The following KHDRBS2 variants were observed in gnomAD, a reference collection of about 807,000 sequenced individuals.
KHDRBS2 encodes the protein KH RNA binding domain containing, signal transduction associated 2.
A neutral mutation model predicts 44.3 loss-of-function variants in KHDRBS2; 26 were observed. That is an observed-to-expected ratio of 0.59 (90% confidence interval 0.43 to 0.81). The LOEUF (loss-of-function observed/expected upper bound fraction) is 0.81. Ranked by LOEUF, KHDRBS2 falls within the 40% of genes least tolerant of loss-of-function variation. KHDRBS2 has a pLI of 0.00. For missense variants in KHDRBS2, 476 were observed against 433.1 expected (o/e 1.10, Z -0.88); for synonymous variants, 194 against 151.1 (o/e 1.28, Z -2.08).
chr6:62,116,893 CT>C (rs1484167574), intron 2 of KHDRBS2, among the ~76,000 whole-genome samples: 1 of 152,092 alleles, frequency 6.6e-6, no homozygotes, highest in African/African-American at 2.4e-5. Context: ...GCTTTTTTCA[CT>C]TAATATAATG....
At chr6:62,233,851 G>A (rs567635642) in intron 1 of KHDRBS2, among the ~76,000 whole-genome samples, 2 of 152,216 alleles carry the variant, frequency 1.3e-5, no homozygotes, top group African/African-American at 4.8e-5. Context: ...ATTCCACAGT[G>A]TATATGTACC....
At chr6:61,853,126 A>G (rs1795691359) in intron 6 of KHDRBS2, among the ~76,000 whole-genome samples, 1 of 152,126 alleles carries the variant, frequency 6.6e-6, no homozygotes, top group Non-Finnish European at 1.5e-5. Flanking sequence ...GGCATCTGGT[A>G]CCAATATTTT....
chr6:62,178,540 A>T (rs775478567), intron 1 of KHDRBS2, among the ~76,000 whole-genome samples: 23 of 151,546 alleles, frequency 1.5e-4, no homozygotes, highest in Non-Finnish European at 2.5e-4. Context: ...TCACAGCAGA[A>T]GGCAAGCAAA....
chr6:62,047,985 C>A lies in KHDRBS2; in HGVS notation c.229G>T (p.Val77Leu), dbSNP rs371874807. The A allele has an allele frequency of 6.4e-7, 1 of 1,551,380 alleles. No homozygotes were observed. The highest frequency in any genetic ancestry group is 8.9e-7 in the Non-Finnish European group (1 of 1,123,306). ...CCTCTTGGTCCAAGCAATTTCCCCA[C>A]AAAATTGAACTAGGAAACAAAATCA... The part of the protein sequence containing the change: ...PVKQYPKFNF[V>L]GKLLGPRGNS... Residue 77 changes from valine (V) to leucine (L), a missense_variant, in exon 3 of 9, where the codon GTG (valine) becomes TTG (leucine). Physicochemically the swap from Val to Leu is conservative, Grantham distance 32. Transcript: ENST00000281156.
chr6:62,088,874 A>G (rs1307011031), intron 2 of KHDRBS2, among the ~76,000 whole-genome samples: 1 of 152,164 alleles, frequency 6.6e-6, no homozygotes, highest in African/African-American at 2.4e-5. Context: ...TTTATCTATA[A>G]GCCCCTGACT....
Position 61,732,480 on chromosome 6 carries a change from C to G in KHDRBS2, c.893+202G>C, listed in dbSNP as rs542698849. 3.9e-5 allele frequency among the ~76,000 whole-genome samples: 6 copies of G among 152,234 alleles called. No homozygotes were observed. In the South Asian group the frequency reaches 1.2e-3, roughly 32 times the overall value. ...ATAATCATCTAGTCTTAGAATGACA[C>G]ACTACTATTTCTTTGCTTGCAGTTG... On this transcript the variant is annotated intron_variant, in intron 7 of 8. Coordinates refer to ENST00000281156, the MANE Select transcript of KHDRBS2 (RefSeq NM_152688.4).
chr6:62,077,748 C>A (rs1165195563), intron 2 of KHDRBS2, among the ~76,000 whole-genome samples: 1 of 152,002 alleles, frequency 6.6e-6, no homozygotes, highest in Admixed American at 6.6e-5. Flanking sequence ...TCCTAACAGA[C>A]AACCTTGACA....
At chr6:61,938,570 AC>A (rs1193394529) in intron 4 of KHDRBS2, among the ~76,000 whole-genome samples, 1 of 152,114 alleles carries the variant, frequency 6.6e-6, no homozygotes, top group Non-Finnish European at 1.5e-5. Flanking sequence ...TGAGAAGGTT[AC>A]TCTGGTAGTG....
chr6:61,886,512 C>T (rs1170117374), intron 6 of KHDRBS2, among the ~76,000 whole-genome samples: 1 of 152,016 alleles, frequency 6.6e-6, no homozygotes, highest in Non-Finnish European at 1.5e-5. Context: ...CTGGAGCATG[C>T]ATAGTTTCTA....
intron 4 of KHDRBS2, among the ~76,000 whole-genome samples, chr6:61,955,740 A>G (rs1235744224): frequency 2.4e-5 from 3 of 122,768 alleles, no homozygotes; most frequent in African/African-American, 6.4e-5. Context: ...AGACAGAGAG[A>G]GAGGTAGACA....
At chr6:62,035,062 AT>A (rs1756038588) in intron 3 of KHDRBS2, among the ~76,000 whole-genome samples, 1 of 152,018 alleles carries the variant, frequency 6.6e-6, no homozygotes, top group African/African-American at 2.4e-5. Flanking sequence ...TAGTACAACC[AT>A]TATGTATAAC....
At chr6:61,745,737 C>T (rs1250825836) in intron 6 of KHDRBS2, among the ~76,000 whole-genome samples, 7 of 152,104 alleles carry the variant, frequency 4.6e-5, no homozygotes, top group Admixed American at 1.3e-4. Flanking sequence ...AGAAATCCAG[C>T]GGACTGGCCA....
At chr6:61,625,380 A>G in the KHDRBS2 span, among the ~76,000 whole-genome samples, 1 of 149,066 alleles carries the variant, frequency 6.7e-6, no homozygotes, top group African/African-American at 2.5e-5. Flanking sequence ...GGCATTCGAG[A>G]TGGACTGTGG....
At chr6:62,210,574 G>A (rs1222039891) in intron 1 of KHDRBS2, among the ~76,000 whole-genome samples, 14 of 151,794 alleles carry the variant, frequency 9.2e-5, no homozygotes, top group East Asian at 7.8e-4. Context: ...CAGGTGATCC[G>A]CCCTCCTCGG....
the KHDRBS2 span, among the ~76,000 whole-genome samples, chr6:61,555,301 G>C: frequency 2.0e-5 from 3 of 152,068 alleles, no homozygotes; most frequent in Non-Finnish European, 4.4e-5. Context: ...CAATTCTGCT[G>C]TTAATACTTG....
At chr6:61,943,236 AC>A (rs746414825) in intron 4 of KHDRBS2, among the ~76,000 whole-genome samples, 11 of 152,092 alleles carry the variant, frequency 7.2e-5, no homozygotes, top group Non-Finnish European at 1.5e-4. Context: ...CATAAAGCAG[AC>A]CTAGCAAAAA....
At chr6:61,911,823 C>A (rs1163635967) in intron 4 of KHDRBS2, among the ~76,000 whole-genome samples, 15 of 151,880 alleles carry the variant, frequency 9.9e-5, no homozygotes, top group Admixed American at 9.9e-4. Flanking sequence ...GCCATGAATG[C>A]CACTTCACAA....
At chr6:61,876,317 C>T (rs1032597906) in intron 6 of KHDRBS2, among the ~76,000 whole-genome samples, 1 of 151,944 alleles carries the variant, frequency 6.6e-6, no homozygotes, top group African/African-American at 2.4e-5. Flanking sequence ...AGCATGAAGG[C>T]TAACAGGTTC....
At chr6:61,719,127 G>C (rs1335284054) in intron 7 of KHDRBS2, among the ~76,000 whole-genome samples, 1 of 152,058 alleles carries the variant, frequency 6.6e-6, no homozygotes, top group Non-Finnish European at 1.5e-5. Flanking sequence ...CATTATTTAA[G>C]AAAAGCAAAG....
Sources: gnomAD v4.1 joint callset for allele counts (sites outside exome capture counted in the v4.1 genomes callset) on GRCh38, gnomAD v4.1.1 for gene constraint, MANE v1.5 for transcripts, NCBI Gene and HGNC (gene_info 2026-07-23, HGNC 2026-07-21) for gene names.